The following NAP1L1 variants were observed in gnomAD, a reference collection of about 807,000 sequenced individuals.
NAP1L1 encodes nucleosome assembly protein 1 like 1.
A neutral mutation model predicts 58.9 loss-of-function variants in NAP1L1; 9 were observed. That is an observed-to-expected ratio of 0.15 (90% CI 0.09 to 0.27). The LOEUF (loss-of-function observed/expected upper bound fraction) is 0.27, where lower values mean the gene tolerates loss of function less well. Ranked by LOEUF, NAP1L1 falls within the 10% of genes least tolerant of loss-of-function variation. The pLI is 1.00. For synonymous variants in NAP1L1, 130 were observed against 138.3 expected, an observed-to-expected ratio of 0.94 and a Z score of 0.42; for missense variants, 302 against 458.8, an observed-to-expected ratio of 0.66 and a Z score of 3.12.
chr12:76,057,527 G>T, intron 6 of NAP1L1: 1 of 743,752 alleles, frequency 1.3e-6, no homozygotes. Flanking sequence ...GCAACTGCCT[G>T]GGTTTGTGAA....
chr12:76,054,712 C>G (rs557630217), intron 8 of NAP1L1, among the ~76,000 whole-genome samples: 2 of 152,142 alleles, frequency 1.3e-5, no homozygotes. Context: ...AGTGGGCATC[C>G]TCTAACATCA....
chr12:76,059,484 C>A lies in NAP1L1; in HGVS notation c.429+314G>T, dbSNP rs1949300993. The A allele has an allele frequency of 2.5e-5, 7 of 274,766 alleles. No individual in the cohort carries two copies. In the South Asian group the frequency reaches 4.0e-4, roughly 16 times the overall value. The allele number at this position is 274,766 out of a possible 1,614,324, so 17.0% of individuals were successfully genotyped here. On this transcript the variant is annotated intron_variant, in intron 6 of 14. Coordinates refer to ENST00000618691, the MANE Select transcript of NAP1L1 (RefSeq NM_004537.7). ...AGAGAAAATGACAGTTTTAATGCTC[C>A]ATCAGATGAATTCGAACTTTAAGTC...
chr12:76,040,425 C>T lies in NAP1L1; in HGVS notation c.*8004G>A, dbSNP rs1318795641. 2.6e-5 allele frequency: 4 copies of T among 152,180 alleles called. No individual in the cohort carries two copies. In the South Asian group the frequency reaches 8.3e-4, roughly 32 times the overall value. The allele number at this position is 152,180 out of a possible 1,614,324, so 9.4% of individuals were successfully genotyped here. Reference sequence around the variant, plus strand: ...ACTACCCCTGTGACAGCAAGACCCCCCTCCTCCTCAGCTATTCATGAAGGC... The same window carrying T: ...ACTACCCCTGTGACAGCAAGACCCCTCTCCTCCTCAGCTATTCATGAAGGC... On this transcript the variant is annotated 3_prime_UTR_variant, in exon 15 of 15. Transcript: ENST00000618691.
chr12:76,083,101 C>G (rs190834218), intron 1 of NAP1L1, among the ~76,000 whole-genome samples: 1 of 152,262 alleles, frequency 6.6e-6, no homozygotes, highest in Non-Finnish European at 1.5e-5. Flanking sequence ...TTTGCACTCT[C>G]AAAGTCTAGC....
Position 76,053,103 on chromosome 12 carries a change from C to T in NAP1L1, c.924G>A (p.Glu308=), listed in dbSNP as rs1237679567. The T allele has an allele frequency of 6.2e-7, 1 of 1,611,072 alleles. No homozygotes were observed. Among genetic ancestry groups the T allele is most frequent in the Middle Eastern group, 1.7e-4 (1 of 6,044 alleles). ...CAATTCAACTTACCAGATCTCCACT[C>T]TCAGGAACTGCAAAATTGAGAAAAG... ...FNFFAPPEVP[E]SGDLDDDAEA... The change falls in exon 11 of 15, where the codon GAG becomes GAA. Residue 308 remains glutamate (E), a synonymous_variant. Coordinates refer to ENST00000618691, the MANE Select transcript of NAP1L1 (RefSeq NM_004537.7).
chr12:76,054,026 T>G (rs1948961676), intron 8 of NAP1L1, 117 bp from the exon 9 acceptor site: 1 of 1,174,130 alleles, frequency 8.5e-7, no homozygotes, highest in South Asian at 1.4e-5. Context: ...TTTTTTCTAC[T>G]CTGAAATACA....
At chr12:76,060,945 T>C in intron 4 of NAP1L1, 1 of 301,698 alleles carries the variant, frequency 3.3e-6, no homozygotes, top group Non-Finnish European at 6.7e-6. Context: ...ATACAAAAAT[T>C]AGCTGGGTGT....
chr12:76,082,826 T>C (rs1339324613), intron 1 of NAP1L1, among the ~76,000 whole-genome samples: 2 of 152,156 alleles, frequency 1.3e-5, no homozygotes. Context: ...ACTTCCAAAG[T>C]ATAGGAGTAT....
At chr12:76,049,821 T>TGTG in intron 12 of NAP1L1, 36 bp from the exon 13 acceptor site, 3 of 1,608,990 alleles carry the variant, frequency 1.9e-6, no homozygotes, top group Non-Finnish European at 2.5e-6. Flanking sequence ...GTTGAGTGAA[T>TGTG]GTAACACACA....
At chr12:76,049,530 A>G (rs759832623) in intron 13 of NAP1L1, 36 of 1,535,388 alleles carry the variant, frequency 2.3e-5, no homozygotes, top group Non-Finnish European at 2.4e-5. Flanking sequence ...ATAACCCTGC[A>G]GCAGAACAAA....
Position 76,056,029 on chromosome 12 carries a change from T to C in NAP1L1, c.558+4A>G, listed in dbSNP as rs1472346679. The C allele has an allele frequency of 1.9e-6, 3 of 1,610,486 alleles. No individual in the cohort carries two copies. The highest frequency in any genetic ancestry group is 2.2e-5 in the East Asian group (1 of 44,754). ...TAAACTGGTACATTTATGAATAAAA[T>C]TACCTGAACCATATCACTGAGCAAG... is the stretch of plus-strand genomic sequence containing the variant. On this transcript the variant is annotated splice_donor_region_variant and intron_variant, in intron 7 of 14. Coordinates refer to ENST00000618691, the MANE Select transcript of NAP1L1 (RefSeq NM_004537.7).
At chr12:76,079,803 C>A (rs1203398038) in intron 1 of NAP1L1, among the ~76,000 whole-genome samples, 4 of 151,932 alleles carry the variant, frequency 2.6e-5, no homozygotes, top group Non-Finnish European at 5.9e-5. Flanking sequence ...CTCACCTCAG[C>A]CTCCTGAGTA....
Position 76,050,529 on chromosome 12 carries a change from ACAT to A in NAP1L1, c.1058_1059+1del, listed in dbSNP as rs754775677. On this transcript the variant is annotated splice_donor_variant and coding_sequence_variant, in exon 12 of 15. Coordinates refer to ENST00000618691, the MANE Select transcript of NAP1L1 (RefSeq NM_004537.7). LOFTEE classifies it high-confidence loss of function. ...TTCTTTGCAGGATTCAAATTCGCTT[ACAT>A]CATCATCATCATCTTCAATAGCTTC... 11 of 1,602,538 alleles carry A rather than the reference ACAT, an allele frequency of 6.9e-6. No individual in the cohort carries two copies. Among genetic ancestry groups the A allele is most frequent in the Admixed American group, 1.8e-5 (1 of 57,104 alleles).
In NAP1L1 at chr12:76,065,439, C is replaced by T. The variant is rs1192374159; in HGVS notation, c.206+1932G>A. On this transcript the variant is annotated intron_variant, in intron 4 of 14. Coordinates refer to ENST00000618691, the MANE Select transcript of NAP1L1 (RefSeq NM_004537.7). ...ATGTGGAAGAACAGAGCTAAAACTGCCATTATTTGCAGATAAAATCTTGTG... is the reference window on the plus strand; with the variant it reads ...ATGTGGAAGAACAGAGCTAAAACTGTCATTATTTGCAGATAAAATCTTGTG... Among the ~76,000 whole-genome samples, 5 of 151,656 alleles carry T rather than the reference C, an allele frequency of 3.3e-5. No homozygotes were observed. In the East Asian group the frequency reaches 9.7e-4, roughly 29 times the overall value.
rs1404247376 is a variant in NAP1L1 at position 76,068,775 on chromosome 12, C to CACACACACA, written c.103+133_103+134insTGTGTGTGT. ...ACACACACACACACACACACACACA[C>CACACACACA]ACACTAGAAGTATGGACCAGTAGAT... On this transcript the variant is annotated intron_variant, in intron 3 of 14. Coordinates refer to ENST00000618691, the MANE Select transcript of NAP1L1 (RefSeq NM_004537.7). 1.6e-5 allele frequency: 10 copies of CACACACACA among 637,538 alleles called. No individual in the cohort carries two copies. The East Asian group carries it at 2.4e-4, about 15-fold the overall frequency. 39.5% of individuals were successfully genotyped at this position (637,538 alleles called of 1,614,324 possible). A position where few individuals can be genotyped will look rare whatever the true frequency, so the allele number is the denominator to read the frequency against.
intron 6 of NAP1L1, chr12:76,058,193 AC>A: frequency 2.4e-6 from 1 of 417,546 alleles, no homozygotes; most frequent in Non-Finnish European, 4.5e-6. Flanking sequence ...AGAGAGGCCT[AC>A]ATATATATAT....
rs902108121 is a variant in NAP1L1, at chr12:76,047,306, A to G, written c.*1123T>C. 2 of 152,440 alleles carry G rather than the reference A, an allele frequency of 1.3e-5. No homozygotes were observed. Among genetic ancestry groups the G allele is most frequent in the African/African-American group, 4.8e-5 (2 of 41,448 alleles). 9.4% of individuals were successfully genotyped at this position (152,440 alleles called of 1,614,324 possible). The stretch of plus-strand genomic sequence containing the variant: ...AAGTGACATACTCATACTTTAAGCA[A>G]TAAGAATTAGAAGAAACCATAGAAG... On this transcript the variant is annotated 3_prime_UTR_variant, in exon 15 of 15. Transcript: ENST00000618691.
chr12:76,060,941 A>C lies in NAP1L1; in HGVS notation c.207-662T>G, dbSNP rs757023658. The C allele has an allele frequency of 1.0e-3, 302 of 298,262 alleles. 1 individual carries two copies. The highest frequency in any genetic ancestry group is 1.6e-3 in the Non-Finnish European group (236 of 147,736). 18.5% of individuals were successfully genotyped at this position (298,262 alleles called of 1,614,324 possible). A position where few individuals can be genotyped will look rare whatever the true frequency, so the allele number is the denominator to read the frequency against. Reference sequence around the variant, plus strand: ...AACCCTGTCCTTACAAAAAATACAAAAATTAGCTGGGTGTGGTGGTGCATG... The same window carrying C: ...AACCCTGTCCTTACAAAAAATACAACAATTAGCTGGGTGTGGTGGTGCATG... On this transcript the variant is annotated intron_variant, in intron 4 of 14. Transcript: ENST00000618691.
intron 5 of NAP1L1, 129 bp from the exon 6 acceptor site, chr12:76,060,007 G>C (rs1949331688): frequency 1.7e-6 from 2 of 1,178,616 alleles, no homozygotes; most frequent in Admixed American, 2.5e-5. Context: ...ATTATTGATA[G>C]TTCCTCCAAG....
Sources: gnomAD v4.1 joint callset for allele counts (sites outside exome capture counted in the v4.1 genomes callset) on GRCh38, gnomAD v4.1.1 for gene constraint, MANE v1.5 for transcripts, NCBI Gene and HGNC (gene_info 2026-07-23, HGNC 2026-07-21) for gene names.